The following DST variants were observed in gnomAD, a reference collection of about 807,000 sequenced individuals.
DST encodes the protein bullous pemphigoid antigen.
Under a neutral mutation model 875.2 loss-of-function variants are expected in DST, and 253 were observed. The observed-to-expected ratio is 0.29, with a 90% CI of 0.26 to 0.32. The LOEUF (loss-of-function observed/expected upper bound fraction) is 0.32, where lower values mean the gene tolerates loss of function less well. Among genes scored for constraint, DST ranks in the 10% least tolerant of loss-of-function variants. DST has a pLI of 1.00. For missense variants in DST, 8,287 were observed against 9,111.6 expected (o/e 0.91, Z 3.68); for synonymous variants, 3,124 against 3,197.1 (o/e 0.98, Z 0.77).
At chr6:56,918,397 G>C (rs1802411267) in intron 2 of DST, among the ~76,000 whole-genome samples, 1 of 152,112 alleles carries the variant, frequency 6.6e-6, no homozygotes, top group Admixed American at 6.5e-5. Flanking sequence ...AAAATGCTGG[G>C]ATTACAGGCA....
intron 4 of DST, among the ~76,000 whole-genome samples, chr6:56,790,517 G>T (rs1035260897): frequency 6.6e-6 from 1 of 152,078 alleles, no homozygotes; most frequent in Non-Finnish European, 1.5e-5. Context: ...ATGTACTTTG[G>T]ATACTTACTT....
At chr6:56,546,347 CATATATATATATATATATATATAT>C (rs10617867) in intron 61 of DST, among the ~76,000 whole-genome samples, 66 of 72,642 alleles carry the variant, frequency 9.1e-4, no homozygotes, top group East Asian at 2.4e-3. Context: ...ATACATATTT[CATATATATATATATATATATATAT>C]ATATATATAT....
intron 36 of DST, among the ~76,000 whole-genome samples, chr6:56,622,183 T>C (rs953408334): frequency 3.3e-5 from 5 of 152,226 alleles, no homozygotes; most frequent in Non-Finnish European, 7.3e-5. Flanking sequence ...AATTCTGAGC[T>C]ATTTCTCATG....
At chr6:56,836,016 C>A (rs1000651832) in intron 4 of DST, among the ~76,000 whole-genome samples, 3 of 152,122 alleles carry the variant, frequency 2.0e-5, no homozygotes, top group African/African-American at 7.2e-5. Context: ...ATTTTATTGT[C>A]TTTTTATAAC....
At chr6:56,742,895 T>G (rs1046728006) in intron 4 of DST, among the ~76,000 whole-genome samples, 15 of 152,214 alleles carry the variant, frequency 9.9e-5, no homozygotes, top group African/African-American at 3.4e-4. Flanking sequence ...GGATACATTT[T>G]CATTTGGATT....
chr6:56,680,628 G>A (rs979747444), intron 9 of DST, among the ~76,000 whole-genome samples: 6 of 151,994 alleles, frequency 3.9e-5, no homozygotes, highest in Admixed American at 2.6e-4. Flanking sequence ...GCTTTCCTCC[G>A]GCCTCTCTAG....
At chr6:56,942,706 CTTTTTTTTTTTTT>C (rs67354752) in intron 2 of DST, among the ~76,000 whole-genome samples, 7 of 66,046 alleles carry the variant, frequency 1.1e-4, no homozygotes, top group African/African-American at 3.2e-4. Context: ...TGCCATTTCT[CTTTTTTTTTTTTT>C]TTTTTTTTTT....
chr6:56,954,522 C>CAAGAGG lies in DST; in HGVS notation c.60_65dup (p.Phe20_Leu21dup), dbSNP rs1824250300. On this transcript the variant is annotated inframe_insertion, in exon 1 of 104. Transcript: ENST00000680361. Reference sequence around the variant, plus strand: ...TGGCGATGGTGCCCAGCAGAAGCAACAAGAGGAAGAGGGCACATTGGATGC... The same window carrying CAAGAGG: ...TGGCGATGGTGCCCAGCAGAAGCAACAAGAGGAAGAGGAAGAGGGCACATTGGATGC... 1 of 1,367,360 alleles carries CAAGAGG rather than the reference C, an allele frequency of 7.3e-7. No homozygotes were observed. Among genetic ancestry groups the CAAGAGG allele is most frequent in the Non-Finnish European group, 9.8e-7 (1 of 1,021,820 alleles). The allele number at this position is 1,367,360 out of a possible 1,614,324, so 84.7% of individuals were successfully genotyped here.
chr6:56,793,435 C>T (rs767594001), intron 4 of DST, among the ~76,000 whole-genome samples: 14 of 152,130 alleles, frequency 9.2e-5, no homozygotes, highest in Non-Finnish European at 1.8e-4. Flanking sequence ...GACAGGTATA[C>T]ATAGGGTTTG....
At chr6:56,627,709 G>A (rs181103586) in intron 33 of DST, among the ~76,000 whole-genome samples, 133 of 152,280 alleles carry the variant, frequency 8.7e-4, no homozygotes, top group African/African-American at 3.2e-3. Context: ...GGCCAGCAAA[G>A]TGTCAAAGAG....
intron 54 of DST, among the ~76,000 whole-genome samples, chr6:56,569,305 A>G (rs796378468): frequency 2.4e-4 from 36 of 149,930 alleles, no homozygotes; most frequent in African/African-American, 7.9e-4. Context: ...AGCCTGGGCA[A>G]AAGAGCAAGA....
In DST at chr6:56,508,716, T is replaced by C; in HGVS notation, c.19052A>G (p.Glu6351Gly). Reference protein sequence around the residue: ...DKLDQMVFIWENIHTLVEERE... With the variant: ...DKLDQMVFIWGNIHTLVEERE... ...CTCTTCCACCAGTGTGTGTATGTTC[T>C]CCCAAATGAAAACCATTTGGTCAAG... The change falls in exon 75 of 104, where the codon GAG becomes GGG. Residue 6351 changes from glutamate to glycine, a missense_variant. This residue lies in a region of DST where 1,292 missense variants were observed against 1,552.7 expected (regional missense o/e 0.83). Transcript: ENST00000680361. 1 of 1,613,636 alleles carries C rather than the reference T, an allele frequency of 6.2e-7. No individual in the cohort carries two copies. The highest frequency in any genetic ancestry group is 8.5e-7 in the Non-Finnish European group (1 of 1,179,726).
At chr6:56,742,435 A>G in intron 4 of DST, 1 of 1,052,316 alleles carries the variant, frequency 9.5e-7, no homozygotes, top group Non-Finnish European at 1.3e-6. Context: ...AAAAGAAAAC[A>G]CTGACTAGAC....
rs893650971 is a variant in DST at position 56,553,576 on chromosome 6, C to G, written c.15216G>C (p.Trp5072Cys). The change falls in exon 61 of 104, where the codon TGG (tryptophan) becomes TGC (cysteine). Residue 5072 changes from tryptophan (W) to cysteine (C), a missense_variant. Coordinates refer to ENST00000680361, the MANE Select transcript of DST (RefSeq NM_001374736.1). ...FQQMSRDFQA[W>C]LDTKKEEQNK... ...TTTGCTCTTCTTTCTTTGTATCCAG[C>G]CAAGCCTGAAAATCTCTAGACATTT... 5 of 1,613,812 alleles carry G rather than the reference C, an allele frequency of 3.1e-6. No homozygotes were observed. The highest frequency in any genetic ancestry group is 4.2e-6 in the Non-Finnish European group (5 of 1,179,854).
At chr6:56,944,452 T>A (rs1818365162) in intron 2 of DST, among the ~76,000 whole-genome samples, 1 of 152,006 alleles carries the variant, frequency 6.6e-6, no homozygotes, top group African/African-American at 2.4e-5. Context: ...AGAGCAAGAG[T>A]TACCCTTTTT....
rs73746928 is a variant in DST at position 56,665,460 on chromosome 6, G to A, written c.1214+5181C>T. ...AAATATCATTGAGCTTCAAGAATGC[G>A]CTATCACAGTTGTTCTGATCAACAG... On this transcript the variant is annotated intron_variant, in intron 10 of 103. Transcript: ENST00000680361. 1.8e-3 allele frequency among the ~76,000 whole-genome samples: 272 copies of A among 151,608 alleles called. 1 individual carries two copies. The highest frequency in any genetic ancestry group is 5.0e-3 in the African/African-American group (205 of 41,304).
At chr6:56,939,492 C>T (rs574453370) in intron 2 of DST, among the ~76,000 whole-genome samples, 13 of 152,010 alleles carry the variant, frequency 8.6e-5, no homozygotes, top group African/African-American at 1.7e-4. Flanking sequence ...TGGATGGATA[C>T]GTGAATGAAC....
chr6:56,704,031 A>G (rs2099322584), intron 6 of DST, among the ~76,000 whole-genome samples: 1 of 152,204 alleles, frequency 6.6e-6, no homozygotes, highest in South Asian at 2.1e-4. Context: ...AAGCAAGAAC[A>G]AAAATAGTAT....
rs758178515 is a variant in DST at position 56,611,493 on chromosome 6, C to G, written c.5147+15G>C. On this transcript the variant is annotated intron_variant, in intron 38 of 103. Coordinates refer to ENST00000680361, the MANE Select transcript of DST (RefSeq NM_001374736.1). ...TCCCCACTTAAAATAAAAGAGCTAA[C>G]TACAACCAACATACTTGTCTCCATG... 5.0e-6 allele frequency: 8 copies of G among 1,586,424 alleles called. No individual in the cohort carries two copies. Among genetic ancestry groups the G allele is most frequent in the Non-Finnish European group, 6.9e-6 (8 of 1,156,508 alleles).
Sources: gnomAD v4.1 joint callset for allele counts (sites outside exome capture counted in the v4.1 genomes callset) on GRCh38, gnomAD v4.1.1 for gene constraint, gnomAD v4.1.1 regional missense constraint, MANE v1.5 for transcripts, NCBI Gene and HGNC (gene_info 2026-07-23, HGNC 2026-07-21) for gene names.